CDC42BPB: variants seen among roughly 807,000 people sequenced by gnomAD.
CDC42BPB encodes the protein CDC42 binding protein kinase beta.
A neutral mutation model predicts 214.9 loss-of-function variants in CDC42BPB; 37 were observed. That is an observed-to-expected ratio of 0.17 (90% CI 0.13 to 0.23). CDC42BPB has a LOEUF of 0.23. Ranked by LOEUF, CDC42BPB falls within the 10% of genes least tolerant of loss-of-function variation. The probability of loss-of-function intolerance (pLI) is 1.00; values close to 1 mark genes in which losing one functional copy is unlikely to be tolerated. For missense variants in CDC42BPB, 1,694 were observed against 2,227.0 expected (o/e 0.76, Z 4.82); for synonymous variants, 931 against 884.0 (o/e 1.05, Z -0.94).
chr14:102,948,003 G>C, intron 26 of CDC42BPB: 1 of 981,274 alleles, frequency 1.0e-6, no homozygotes, highest in South Asian at 4.7e-5. Context: ...TCAGGGCTTA[G>C]GGATGCCGCA....
chr14:102,960,183 C>A (rs539835024), intron 20 of CDC42BPB, among the ~76,000 whole-genome samples: 8 of 151,954 alleles, frequency 5.3e-5, no homozygotes, highest in Middle Eastern at 3.4e-3. Flanking sequence ...CCAGCCTGGG[C>A]GACAGAGCAA....
chr14:102,964,396 G>A, intron 19 of CDC42BPB, 106 bp downstream of exon 19: 2 of 1,362,480 alleles, frequency 1.5e-6, no homozygotes, highest in African/African-American at 1.5e-5. Flanking sequence ...AAACGCCGTG[G>A]CCCCGATTTT....
In CDC42BPB at chr14:102,980,679, T is replaced by C. The variant is rs1387531467; in HGVS notation, c.1140+94A>G. On this transcript the variant is annotated intron_variant, in intron 8 of 36. Transcript: ENST00000361246. ...TCTTAAGTGCCAAATTTCACAGCTTTATGGTGTACTGACTTGATAAGCAAC... is the reference window on the plus strand; with the variant it reads ...TCTTAAGTGCCAAATTTCACAGCTTCATGGTGTACTGACTTGATAAGCAAC... 7 of 1,228,762 alleles carry C rather than the reference T, an allele frequency of 5.7e-6. No individual in the cohort carries two copies. In the Admixed American group the frequency reaches 9.0e-5, roughly 16 times the overall value. The allele number at this position is 1,228,762 out of a possible 1,614,324, so 76.1% of individuals were successfully genotyped here. A position where few individuals can be genotyped will look rare whatever the true frequency, so the allele number is the denominator to read the frequency against.
intron 36 of CDC42BPB, chr14:102,934,052 C>T: frequency 1.5e-6 from 2 of 1,324,570 alleles, no homozygotes; most frequent in Non-Finnish European, 1.9e-6. Context: ...TAATCCCACT[C>T]AAAAATAACA....
chr14:103,019,732 G>A (rs1886662658), intron 1 of CDC42BPB, among the ~76,000 whole-genome samples: 1 of 152,180 alleles, frequency 6.6e-6, no homozygotes, highest in Non-Finnish European at 1.5e-5. Flanking sequence ...ACTTTTACTG[G>A]AGAAATTTTC....
intron 2 of CDC42BPB, chr14:103,008,766 T>TC (rs1334030674): frequency 7.6e-6 from 6 of 789,644 alleles, no homozygotes; most frequent in Non-Finnish European, 9.2e-6. Flanking sequence ...CTCCGGAGTT[T>TC]CACTCCTGCA....
Position 102,971,976 on chromosome 14 carries a change from C to T in CDC42BPB, c.1827G>A (p.Thr609=), listed in dbSNP as rs369629352. Residue 609 remains threonine, a synonymous_variant, in exon 13 of 37, where the codon ACG becomes ACA. Transcript: ENST00000361246. ...RDKEEEMEVA[T]QKVDAMRQEM... The stretch of plus-strand genomic sequence containing the variant: ...CCTGCCGCATGGCGTCCACCTTCTG[C>T]GTGGCCACCTCCATCTCCTCCTCCT... The T allele has an allele frequency of 1.2e-4, 196 of 1,614,106 alleles. No homozygotes were observed. The highest frequency in any genetic ancestry group is 4.1e-5 in the Non-Finnish European group (48 of 1,180,046).
intron 30 of CDC42BPB, among the ~76,000 whole-genome samples, chr14:102,941,983 G>T (rs2139353669): frequency 6.6e-6 from 1 of 152,360 alleles, no homozygotes; most frequent in East Asian, 1.9e-4. Flanking sequence ...GAGAACCGAG[G>T]AACTTCAGGT....
chr14:103,056,952 G>T, intron 1 of CDC42BPB, 47 bp downstream of exon 1: 1 of 1,273,538 alleles, frequency 7.9e-7, no homozygotes, highest in Non-Finnish European at 1.0e-6. Flanking sequence ...GGGCTGGGGC[G>T]CGGGGGTCGC....
intron 36 of CDC42BPB, among the ~76,000 whole-genome samples, chr14:102,936,775 G>A (rs189776876): frequency 2.0e-4 from 31 of 152,346 alleles, no homozygotes; most frequent in Admixed American, 7.2e-4. Flanking sequence ...CACGTGAACC[G>A]TGGTGCCCAG....
intron 1 of CDC42BPB, among the ~76,000 whole-genome samples, chr14:103,026,817 G>A (rs558952094): frequency 1.3e-5 from 2 of 151,698 alleles, no homozygotes; most frequent in Non-Finnish European, 2.9e-5. Flanking sequence ...GCAGTGAGCT[G>A]AGATCGCGCC....
rs759317478 is a variant in CDC42BPB at position 102,974,010 on chromosome 14, A to G, written c.1641+6T>C. On this transcript the variant is annotated splice_donor_region_variant and intron_variant, in intron 12 of 36. Coordinates refer to ENST00000361246, the MANE Select transcript of CDC42BPB (RefSeq NM_006035.4). The stretch of plus-strand genomic sequence containing the variant: ...AGCCTTTCTCACCCCAAACTGAGCC[A>G]CCTACCTTGTGCAGCTCCTCCTTCT... 6.2e-7 allele frequency: 1 copy of G among 1,600,428 alleles called. No homozygotes were observed. Among genetic ancestry groups the G allele is most frequent in the Non-Finnish European group, 8.5e-7 (1 of 1,174,424 alleles).
In CDC42BPB at chr14:102,983,774, T is replaced by A. The variant is rs767926976; in HGVS notation, c.691-18A>T. The stretch of plus-strand genomic sequence containing the variant: ...GACTGCACCTTAGGGGAGAAGGAGG[T>A]GCTGAAGGAAACCCTAGGGCATCTC... On this transcript the variant is annotated intron_variant, in intron 6 of 36. Transcript: ENST00000361246. 1 of 1,609,156 alleles carries A rather than the reference T, an allele frequency of 6.2e-7. No homozygotes were observed. The highest frequency in any genetic ancestry group is 2.2e-5 in the East Asian group (1 of 44,866).
intron 36 of CDC42BPB, among the ~76,000 whole-genome samples, chr14:102,935,606 A>G (rs1420294639): frequency 1.3e-5 from 2 of 152,128 alleles, no homozygotes; most frequent in African/African-American, 4.8e-5. Flanking sequence ...TCTGGCCAAC[A>G]TGGTGAAACC....
chr14:102,965,028 C>T (rs1339764618), intron 18 of CDC42BPB, among the ~76,000 whole-genome samples: 1 of 151,898 alleles, frequency 6.6e-6, no homozygotes, highest in East Asian at 1.9e-4. Flanking sequence ...TGGGTTCAAG[C>T]GATTTTCCTG....
In CDC42BPB at chr14:103,001,370, C is replaced by T. The variant is rs1349084002; in HGVS notation, c.448-1657G>A. On this transcript the variant is annotated intron_variant, in intron 4 of 36. Transcript: ENST00000361246. The surrounding 1 kb of genome is among the most constrained non-coding windows in gnomAD (Gnocchi z 5.8). Reference sequence around the variant, plus strand: ...GAGAGACCGTGGCCAGCATGGAGAGCAGGCAGTGGTGAGCGCCAGCTGACC... The same window carrying T: ...GAGAGACCGTGGCCAGCATGGAGAGTAGGCAGTGGTGAGCGCCAGCTGACC... Among the ~76,000 whole-genome samples, 1 of 152,218 alleles carries T rather than the reference C, an allele frequency of 6.6e-6. No homozygotes were observed. The highest frequency in any genetic ancestry group is 1.5e-5 in the Non-Finnish European group (1 of 68,034).
chr14:102,985,623 C>T (rs1382040683), intron 6 of CDC42BPB, among the ~76,000 whole-genome samples: 1 of 152,234 alleles, frequency 6.6e-6, no homozygotes, highest in Non-Finnish European at 1.5e-5. Flanking sequence ...TCTTATAAAA[C>T]GCTGTCAACT....
At chr14:102,990,345 C>T (rs1021183532) in intron 5 of CDC42BPB, among the ~76,000 whole-genome samples, 2 of 152,118 alleles carry the variant, frequency 1.3e-5, no homozygotes, top group Non-Finnish European at 2.9e-5. Flanking sequence ...GGGGGAGAAC[C>T]GCAAACAAAC....
rs1294074599 is a variant in CDC42BPB at position 102,944,065 on chromosome 14, T to C, written c.4234A>G (p.Asn1412Asp). ...DGQPLNLVNPNDPSLAFLSQQ... is the reference protein window; with the variant it reads ...DGQPLNLVNPDDPSLAFLSQQ... ...GAGAGGAACGCAAGCGAGGGGTCAT[T>C]GGGATTTACCAGGTTTAGAGGCTGC... is the stretch of plus-strand genomic sequence containing the variant. Residue 1412 changes from asparagine to aspartate, a missense_variant, in exon 30 of 37, where the codon AAT (asparagine) becomes GAT (aspartate). Around this residue, in one of 7 missense-constraint regions of CDC42BPB, gnomAD observed 567 missense variants for 790.3 expected, o/e 0.72. Transcript: ENST00000361246. The surrounding 1 kb of genome is among the most constrained non-coding windows in gnomAD (Gnocchi z 6.6). 1 of 1,613,542 alleles carries C rather than the reference T, an allele frequency of 6.2e-7. No individual in the cohort carries two copies. The highest frequency in any genetic ancestry group is 1.1e-5 in the South Asian group (1 of 91,084).
Sources: gnomAD v4.1 joint callset for allele counts (sites outside exome capture counted in the v4.1 genomes callset) on GRCh38, gnomAD v4.1.1 for gene constraint, gnomAD v4.1.1 regional missense constraint, Gnocchi (gnomAD v3.1) non-coding constraint, MANE v1.5 for transcripts, NCBI Gene and HGNC (gene_info 2026-07-23, HGNC 2026-07-21) for gene names.